PDZD2: variants seen among roughly 807,000 people sequenced by gnomAD.
The protein encoded by PDZD2 is PDZ domain containing 2.
In PDZD2, 90 loss-of-function variants were observed where a neutral mutation model predicts 220.7. The observed-to-expected ratio is 0.41, with a 90% CI of 0.34 to 0.49. PDZD2 has a LOEUF of 0.49. Ranked by LOEUF, PDZD2 falls within the 20% of genes least tolerant of loss-of-function variation. The pLI is 0.28. For missense variants in PDZD2, 3,174 were observed against 3,608.5 expected (o/e 0.88, Z 3.08); for synonymous variants, 1,375 against 1,450.5 (o/e 0.95, Z 1.18).
At chr5:31,917,822 A>T (rs1481604605) in intron 2 of PDZD2, among the ~76,000 whole-genome samples, 1 of 152,098 alleles carries the variant, frequency 6.6e-6, no homozygotes, top group African/African-American at 2.4e-5. Context: ...GGCTCACTGC[A>T]GCCTCTGCCT....
At position 32,008,373 on chromosome 5, in the gene PDZD2, C is replaced by T. The variant is rs551091803; in HGVS notation, c.1255-1957C>T. Among the ~76,000 whole-genome samples the T allele has an allele frequency of 3.7e-4, 56 of 151,186 alleles. 1 individual carries two copies. Among genetic ancestry groups the T allele is most frequent in the African/African-American group, 1.1e-3 (44 of 41,116 alleles). On this transcript the variant is annotated intron_variant, in intron 5 of 24. Coordinates refer to ENST00000438447, the MANE Select transcript of PDZD2 (RefSeq NM_178140.4). ...TCAGCTGACTGCAACTTCCGCCTTC[C>T]GGGTTCGAGGGATTCTTGTGCCTCA... is the stretch of plus-strand genomic sequence containing the variant.
intron 1 of PDZD2, among the ~76,000 whole-genome samples, chr5:31,697,693 A>G (rs1324240930): frequency 1.3e-5 from 2 of 152,078 alleles, no homozygotes; most frequent in Non-Finnish European, 2.9e-5. Context: ...GGCAGAGGAC[A>G]TTGGCACGAA....
intron 21 of PDZD2, among the ~76,000 whole-genome samples, chr5:32,097,038 G>C (rs1352104611): frequency 1.3e-5 from 2 of 151,600 alleles, no homozygotes; most frequent in Non-Finnish European, 2.9e-5. Context: ...CATTGCCCAG[G>C]CTGGACTCGA....
At chr5:31,780,226 A>C (rs1752979266) in intron 1 of PDZD2, among the ~76,000 whole-genome samples, 1 of 151,992 alleles carries the variant, frequency 6.6e-6, no homozygotes, top group Non-Finnish European at 1.5e-5. Flanking sequence ...CGGCAGGAAA[A>C]GTCAAGCACG....
intron 5 of PDZD2, among the ~76,000 whole-genome samples, chr5:32,003,592 C>T (rs1009818945): frequency 2.0e-5 from 3 of 152,328 alleles, no homozygotes; most frequent in African/African-American, 4.8e-5. Flanking sequence ...AGCCCACCTC[C>T]TCAAAATCGT....
chr5:31,692,252 G>C (rs34039642), intron 1 of PDZD2, among the ~76,000 whole-genome samples: 1 of 152,040 alleles, frequency 6.6e-6, no homozygotes, highest in Non-Finnish European at 1.5e-5. Context: ...GGGGCCGGCC[G>C]GGCGAGTGCG....
At chr5:31,791,866 C>A (rs1365205440) in intron 1 of PDZD2, among the ~76,000 whole-genome samples, 15 of 152,200 alleles carry the variant, frequency 9.9e-5, no homozygotes, top group Non-Finnish European at 1.6e-4. Flanking sequence ...GTTCCCCCAA[C>A]TTCCAGGCAC....
At chr5:31,705,175 T>TACACACACAC (rs755393785) in intron 1 of PDZD2, among the ~76,000 whole-genome samples, 1 of 84,174 alleles carries the variant, frequency 1.2e-5, no homozygotes, top group Non-Finnish European at 2.2e-5. Context: ...AATACATGTA[T>TACACACACAC]ACACACACAC....
chr5:31,732,925 C>T (rs551580935), intron 1 of PDZD2, among the ~76,000 whole-genome samples: 4 of 152,150 alleles, frequency 2.6e-5, no homozygotes, highest in African/African-American at 9.7e-5. Flanking sequence ...GACAGGGTTT[C>T]GCCATGTTGG....
At chr5:32,075,500 T>C (rs1281408236) in intron 18 of PDZD2, among the ~76,000 whole-genome samples, 2 of 152,238 alleles carry the variant, frequency 1.3e-5, no homozygotes, top group Non-Finnish European at 2.9e-5. Flanking sequence ...ATAACCTTGC[T>C]GTGGTATCAT....
rs903261080 is a variant in PDZD2 at position 32,110,392 on chromosome 5, A to C, written c.*2257A>C. 2 of 152,612 alleles carry C rather than the reference A, an allele frequency of 1.3e-5. No homozygotes were observed. Among genetic ancestry groups the C allele is most frequent in the Non-Finnish European group, 2.9e-5 (2 of 68,036 alleles). 9.5% of individuals were successfully genotyped at this position (152,612 alleles called of 1,614,324 possible). A position where few individuals can be genotyped will look rare whatever the true frequency, so the allele number is the denominator to read the frequency against. On this transcript the variant is annotated 3_prime_UTR_variant, in exon 25 of 25. Transcript: ENST00000438447. ...TTTCCCTCGCCAACAAACAGTTGAA[A>C]TTTAAGGGAAGAAGCAAAAGCTAAA...
At chr5:31,779,373 CTTT>C (rs58290929) in intron 1 of PDZD2, among the ~76,000 whole-genome samples, 2 of 106,666 alleles carry the variant, frequency 1.9e-5, no homozygotes, top group African/African-American at 3.5e-5. Flanking sequence ...TTGTGAATCT[CTTT>C]TTTTTTTTTT....
chr5:32,028,694 T>G (rs1314572304), intron 6 of PDZD2, among the ~76,000 whole-genome samples: 1 of 150,396 alleles, frequency 6.6e-6, no homozygotes, highest in African/African-American at 2.4e-5. Flanking sequence ...GTTTTTTTTT[T>G]TTTTTGAGAC....
At chr5:32,070,722 G>A (rs1036882657) in intron 15 of PDZD2, among the ~76,000 whole-genome samples, 6 of 152,326 alleles carry the variant, frequency 3.9e-5, no homozygotes, top group South Asian at 2.1e-4. Flanking sequence ...GGAGCCGGGC[G>A]CCATGGCTCA....
intron 2 of PDZD2, among the ~76,000 whole-genome samples, chr5:31,966,976 T>C (rs946058766): frequency 2.0e-5 from 3 of 152,162 alleles, no homozygotes; most frequent in South Asian, 4.1e-4. Context: ...AGCCAGAACA[T>C]GTTGATGGGG....
intron 1 of PDZD2, among the ~76,000 whole-genome samples, chr5:31,673,323 C>T (rs111922627): frequency 1.1e-4 from 16 of 152,260 alleles, no homozygotes; most frequent in African/African-American, 3.9e-4. Context: ...TTCCCCATTT[C>T]ATGTTTGTAT....
At chr5:31,813,449 C>CAAAAAAAA (rs60551914) in intron 2 of PDZD2, among the ~76,000 whole-genome samples, 5 of 94,204 alleles carry the variant, frequency 5.3e-5, no homozygotes, top group African/African-American at 1.3e-4. Context: ...GACTCCGTCT[C>CAAAAAAAA]AAAAAAAAAA....
intron 2 of PDZD2, among the ~76,000 whole-genome samples, chr5:31,958,975 C>A (rs894255379): frequency 1.3e-5 from 2 of 151,950 alleles, no homozygotes; most frequent in Non-Finnish European, 1.5e-5. Context: ...CTCTGTCACC[C>A]AGGCTGGAGT....
chr5:31,840,546 G>A (rs1039051389), intron 2 of PDZD2: 2 of 662,678 alleles, frequency 3.0e-6, no homozygotes. Flanking sequence ...CCTTCCCACT[G>A]GTTCTCACAA....
Sources: allele counts gnomAD v4.1 joint callset (sites outside exome capture counted in the v4.1 genomes callset), GRCh38; gene constraint gnomAD v4.1.1; transcripts MANE v1.5; gene names NCBI Gene and HGNC (gene_info 2026-07-23, HGNC 2026-07-21).